CNOT6L: variants seen among roughly 807,000 people sequenced by gnomAD.
CNOT6L encodes CCR4-NOT transcription complex subunit 6 like, also known as CCR4-NOT transcription complex subunit 6-like.
Under a neutral mutation model 64.0 loss-of-function variants are expected in CNOT6L, and 7 were observed. That is an observed-to-expected ratio of 0.11 (90% CI 0.06 to 0.21). The LOEUF (loss-of-function observed/expected upper bound fraction) is 0.21. CNOT6L is among the 10% of genes least tolerant of loss of function. The pLI is 1.00. For synonymous variants in CNOT6L, 193 were observed against 243.4 expected (o/e 0.79, Z 1.93); for missense variants, 245 against 669.0 (o/e 0.37, Z 6.99).
At chr4:77,740,001 G>GTTA (rs1273223423) in intron 8 of CNOT6L, among the ~76,000 whole-genome samples, 8 of 147,698 alleles carry the variant, frequency 5.4e-5, no homozygotes, top group African/African-American at 2.0e-4. Context: ...AGAGCCTGAT[G>GTTA]TTAGATGTCT....
intron 1 of CNOT6L, among the ~76,000 whole-genome samples, chr4:77,812,755 G>T (rs1157767199): frequency 2.0e-5 from 3 of 152,042 alleles, no homozygotes; most frequent in Non-Finnish European, 4.4e-5. Context: ...TCCCAAAATT[G>T]ATGTACAGAT....
chr4:77,810,500 C>T (rs1332335938), intron 1 of CNOT6L, among the ~76,000 whole-genome samples: 2 of 151,922 alleles, frequency 1.3e-5, no homozygotes, highest in Admixed American at 1.3e-4. Context: ...CAAAGGTTTG[C>T]TTACTTTTTA....
rs1720721652 is a variant in CNOT6L at position 77,716,132 on chromosome 4, G to C, written c.*4299C>G. 1.6e-5 allele frequency: 1 copy of C among 60,718 alleles called. No homozygotes were observed. Among genetic ancestry groups the C allele is most frequent in the African/African-American group, 3.9e-5 (1 of 25,560 alleles). The allele number at this position is 60,718 out of a possible 1,614,324, so 3.8% of individuals were successfully genotyped here. On this transcript the variant is annotated 3_prime_UTR_variant, in exon 12 of 12. Coordinates refer to ENST00000504123, the MANE Select transcript of CNOT6L (RefSeq NM_144571.3). ...GAAAAGTGACCTTTTTTAAAGGGTA[G>C]GGCAGGTGGGAAAAAGAATATCTCA...
At chr4:77,813,316 T>C (rs540716912) in intron 1 of CNOT6L, among the ~76,000 whole-genome samples, 200 of 82,584 alleles carry the variant, frequency 2.4e-3, no homozygotes, top group African/African-American at 6.9e-3. Context: ...AGATTAGATA[T>C]AGATTAGAAA....
intron 1 of CNOT6L, among the ~76,000 whole-genome samples, chr4:77,796,918 C>G (rs1730910589): frequency 6.6e-6 from 1 of 151,666 alleles, no homozygotes; most frequent in Non-Finnish European, 1.5e-5. Context: ...CCATGTCTAA[C>G]AGAGAAATAC....
At chr4:77,756,569 A>G (rs1725595612) in intron 5 of CNOT6L, among the ~76,000 whole-genome samples, 1 of 152,192 alleles carries the variant, frequency 6.6e-6, no homozygotes, top group Admixed American at 6.5e-5. Context: ...GTATAAATAA[A>G]TTACTTTAGT....
chr4:77,795,707 C>T (rs998746186), intron 1 of CNOT6L, among the ~76,000 whole-genome samples: 25 of 152,152 alleles, frequency 1.6e-4, no homozygotes, highest in South Asian at 1.2e-3. Context: ...CCCACAGAAC[C>T]ATGAGCTGAT....
chr4:77,788,334 A>C (rs1729689660), intron 1 of CNOT6L, among the ~76,000 whole-genome samples: 1 of 152,218 alleles, frequency 6.6e-6, no homozygotes, highest in South Asian at 2.1e-4. Context: ...AGCAAGTAAA[A>C]TACGGAAGAT....
chr4:77,790,084 CT>C lies in CNOT6L; in HGVS notation c.6-13693del, dbSNP rs1412809331. Among the ~76,000 whole-genome samples the C allele has an allele frequency of 3.3e-5, 5 of 152,098 alleles. No homozygotes were observed. In the East Asian group the frequency reaches 9.6e-4, roughly 29 times the overall value. On this transcript the variant is annotated intron_variant, in intron 1 of 11. Transcript: ENST00000504123. ...TTTATCATTCCCTCTCCCCCTCCCC[CT>C]GGCAATCACTCATCTTTTTGCTGCC...
At chr4:77,786,543 G>C (rs1729465056) in intron 1 of CNOT6L, among the ~76,000 whole-genome samples, 1 of 152,128 alleles carries the variant, frequency 6.6e-6, no homozygotes, top group African/African-American at 2.4e-5. Flanking sequence ...GGATTGTCAT[G>C]GTTCAATGGA....
rs2109835729 is a variant in CNOT6L, at chr4:77,717,576, T to TAC, written c.*2854_*2855insGT. 6.6e-6 allele frequency: 1 copy of TAC among 152,290 alleles called. No homozygotes were observed. Among genetic ancestry groups the TAC allele is most frequent in the Admixed American group, 6.6e-5 (1 of 15,250 alleles). 9.4% of individuals were successfully genotyped at this position (152,290 alleles called of 1,614,324 possible). On this transcript the variant is annotated 3_prime_UTR_variant, in exon 12 of 12. Coordinates refer to ENST00000504123, the MANE Select transcript of CNOT6L (RefSeq NM_144571.3). ...TAACTAGAAAGTATATGAGCATATA[T>TAC]ATTTTACTTTCATTGAATATATATA...
At chr4:77,775,820 T>C (rs1446441882) in intron 2 of CNOT6L, among the ~76,000 whole-genome samples, 2 of 152,208 alleles carry the variant, frequency 1.3e-5, no homozygotes, top group African/African-American at 4.8e-5. Flanking sequence ...ACTGGAATTA[T>C]GAGTTTTTAG....
rs766371188 is a variant in CNOT6L, at chr4:77,756,865, C to A, written c.487G>T (p.Ala163Ser). The A allele has an allele frequency of 5.0e-6, 8 of 1,594,202 alleles. No individual in the cohort carries two copies. Among genetic ancestry groups the A allele is most frequent in the Non-Finnish European group, 6.9e-6 (8 of 1,164,876 alleles). Residue 163 changes from alanine (A) to serine (S), a missense_variant, in exon 5 of 12, where the codon GCA becomes TCA. By Grantham distance (99) the Ala-to-Ser change is moderately conservative. This residue lies in a region of CNOT6L where 94 missense variants were observed against 290.9 expected (regional missense o/e 0.32). Coordinates refer to ENST00000504123, the MANE Select transcript of CNOT6L (RefSeq NM_144571.3). ...CAGCTTTGTCACTAACAGTTACCTG[C>A]GAGATTGTCAAGCATGAAGTTCAGT... ...KLLNFMLDNL[A>S]VHPEQLPPRP...
At chr4:77,763,961 G>C (rs1726526323) in intron 4 of CNOT6L, among the ~76,000 whole-genome samples, 6 of 152,158 alleles carry the variant, frequency 3.9e-5, no homozygotes. Flanking sequence ...TCAAAATAGT[G>C]TATGCAACAA....
chr4:77,753,191 GA>G (rs200937180), intron 5 of CNOT6L, among the ~76,000 whole-genome samples: 9,914 of 105,564 alleles, frequency 0.094, 522 homozygotes, highest in African/African-American at 0.22. Context: ...CTTCCTACCA[GA>G]AAAAAAAAAA....
intron 4 of CNOT6L, among the ~76,000 whole-genome samples, chr4:77,764,162 C>T (rs570245735): frequency 3.7e-4 from 57 of 152,082 alleles, no homozygotes; most frequent in South Asian, 1.9e-3. Context: ...AGAAGCTCCA[C>T]GGTAATATGG....
chr4:77,771,842 C>A (rs1284401859), intron 4 of CNOT6L, among the ~76,000 whole-genome samples: 1 of 152,188 alleles, frequency 6.6e-6, no homozygotes, highest in Non-Finnish European at 1.5e-5. Context: ...AAAATAAAAT[C>A]TATGAAAGTG....
At chr4:77,744,649 T>G in intron 7 of CNOT6L, 69 bp downstream of exon 7, 1 of 1,318,216 alleles carries the variant, frequency 7.6e-7, no homozygotes, top group Non-Finnish European at 1.0e-6. Context: ...TCTCTCCCAG[T>G]GGTCAGATCT....
At chr4:77,760,836 A>G (rs939248165) in intron 4 of CNOT6L, among the ~76,000 whole-genome samples, 4 of 131,596 alleles carry the variant, frequency 3.0e-5, no homozygotes, top group African/African-American at 1.2e-4. Context: ...AGCTAGGACT[A>G]CAGGTGCACA....
Sources: allele counts gnomAD v4.1 joint callset (sites outside exome capture counted in the v4.1 genomes callset), GRCh38; gene constraint gnomAD v4.1.1; regional missense constraint gnomAD v4.1.1; transcripts MANE v1.5; gene names NCBI Gene and HGNC (gene_info 2026-07-23, HGNC 2026-07-21).